Variants in CSMD2 observed in about 807,000 individuals in gnomAD.
The protein encoded by CSMD2 is CUB and Sushi multiple domains 2, also known as CUB and sushi domain-containing protein 2.
CSMD2 carries 130 observed loss-of-function variants against 398.5 expected under a neutral mutation model. That is an observed-to-expected ratio of 0.33 (90% CI 0.28 to 0.38). The LOEUF is 0.38. Ranked by LOEUF, CSMD2 falls within the 10% of genes least tolerant of loss-of-function variation. The probability of loss-of-function intolerance (pLI) is 1.00; values close to 1 mark genes in which losing one functional copy is unlikely to be tolerated. For synonymous variants in CSMD2, 1,828 were observed against 1,908.5 expected (o/e 0.96, Z 1.10); for missense variants, 3,829 against 4,764.9 (o/e 0.80, Z 5.78).
chr1:33,800,425 TG>T (rs1296050478), intron 10 of CSMD2, among the ~76,000 whole-genome samples: 1 of 152,190 alleles, frequency 6.6e-6, no homozygotes, highest in Non-Finnish European at 1.5e-5. Flanking sequence ...TTCATTTTGG[TG>T]GTTCTGAGAG....
At chr1:33,742,319 G>T (rs1008654781) in intron 14 of CSMD2, among the ~76,000 whole-genome samples, 1 of 152,232 alleles carries the variant, frequency 6.6e-6, no homozygotes, top group African/African-American at 2.4e-5. Context: ...GAAAACGGAG[G>T]CAAGGCCTTT....
intron 9 of CSMD2, chr1:33,813,859 G>C (rs993154092): frequency 1.3e-5 from 2 of 152,476 alleles, no homozygotes; most frequent in Non-Finnish European, 1.5e-5. Context: ...CCCACTACCA[G>C]TTCTAAGGAA....
intron 13 of CSMD2, among the ~76,000 whole-genome samples, chr1:33,744,984 G>A (rs1271267029): frequency 6.6e-6 from 1 of 152,062 alleles, no homozygotes; most frequent in African/African-American, 2.4e-5. Context: ...AAAAGAAAAA[G>A]AGCCACCTAG....
chr1:33,724,635 T>C lies in CSMD2; in HGVS notation c.2765A>G (p.Asp922Gly), dbSNP rs758702824. The change falls in exon 18 of 71, where the codon GAC becomes GGC. Residue 922 changes from aspartate (D) to glycine (G), a missense_variant. By Grantham distance (94) the Asp-to-Gly change is moderately conservative. This residue lies in a region of CSMD2 where 2,001 missense variants were observed against 2,567.1 expected (regional missense o/e 0.78). Coordinates refer to ENST00000373381, the MANE Select transcript of CSMD2 (RefSeq NM_001281956.2). ...GGTCACCAGCGCGCCCACGTAGAAG[T>C]CATTCCCATGACGCTGTCCATTTAC... Reference protein sequence around the residue: ...IPVNGQRHGNDFYVGALVTFS... With the variant: ...IPVNGQRHGNGFYVGALVTFS... 7.4e-6 allele frequency: 12 copies of C among 1,614,024 alleles called. No homozygotes were observed. Among genetic ancestry groups the C allele is most frequent in the Admixed American group, 3.3e-5 (2 of 60,002 alleles).
At chr1:34,044,323 G>C (rs1042928820) in intron 2 of CSMD2, among the ~76,000 whole-genome samples, 1 of 152,168 alleles carries the variant, frequency 6.6e-6, no homozygotes, top group Admixed American at 6.5e-5. Flanking sequence ...AATAAAATGC[G>C]TAGGAGGACT....
chr1:33,591,720 G>C (rs536341999), intron 44 of CSMD2: 1 of 151,906 alleles, frequency 6.6e-6, no homozygotes, highest in African/African-American at 2.4e-5. Flanking sequence ...AAACTCTTGG[G>C]CTCAACTGAT....
intron 3 of CSMD2, among the ~76,000 whole-genome samples, chr1:33,940,388 C>T (rs1644627922): frequency 1.3e-5 from 2 of 152,110 alleles, no homozygotes; most frequent in South Asian, 4.1e-4. Flanking sequence ...CACAATTCAA[C>T]TCATCACAGG....
intron 1 of CSMD2, among the ~76,000 whole-genome samples, chr1:34,153,299 G>C (rs1174391708): frequency 2.0e-5 from 3 of 152,230 alleles, no homozygotes; most frequent in Non-Finnish European, 4.4e-5. Flanking sequence ...TTATAGGTGT[G>C]AGCCAGCGCA....
At chr1:33,989,150 C>G (rs1264972702) in intron 3 of CSMD2, among the ~76,000 whole-genome samples, 38 of 148,424 alleles carry the variant, frequency 2.6e-4, no homozygotes. Context: ...AATCTTATAA[C>G]TCACTAATAA....
chr1:33,535,753 T>G (rs549345543), intron 62 of CSMD2, among the ~76,000 whole-genome samples: 61 of 152,318 alleles, frequency 4.0e-4, no homozygotes, highest in Non-Finnish European at 1.0e-4. Flanking sequence ...GCCCCCAGGC[T>G]GCTAAGCACT....
chr1:33,655,079 G>C (rs1557682546), intron 27 of CSMD2, among the ~76,000 whole-genome samples: 1 of 152,252 alleles, frequency 6.6e-6, no homozygotes, highest in African/African-American at 2.4e-5. Context: ...TACTGCTCAG[G>C]GTTAGTCGAG....
chr1:33,729,123 T>C, intron 15 of CSMD2, among the ~76,000 whole-genome samples: 1 of 152,182 alleles, frequency 6.6e-6, no homozygotes, highest in Non-Finnish European at 1.5e-5. Flanking sequence ...TCTCTGGTTG[T>C]TGGACTGTGA....
chr1:33,989,485 G>A, intron 3 of CSMD2, among the ~76,000 whole-genome samples: 1 of 152,126 alleles, frequency 6.6e-6, no homozygotes, highest in East Asian at 1.9e-4. Context: ...TTTACCCAGA[G>A]GAAATGAAAC....
At chr1:33,712,024 G>A (rs951003115) in intron 21 of CSMD2, among the ~76,000 whole-genome samples, 8 of 152,144 alleles carry the variant, frequency 5.3e-5, no homozygotes, top group African/African-American at 1.9e-4. Context: ...AGGCACAAAT[G>A]GAAACAAATA....
At position 33,734,248 on chromosome 1, in the gene CSMD2, C is replaced by A. The variant is rs115749438; in HGVS notation, c.2368+4892G>T. 2.9e-3 allele frequency among the ~76,000 whole-genome samples: 440 copies of A among 151,444 alleles called. 1 individual carries two copies. Among genetic ancestry groups the A allele is most frequent in the Non-Finnish European group, 5.4e-3 (368 of 67,760 alleles). ...GAGAATAAATGTGGATGTGTTTATACCAAACTGTTAAACCATTTTCCTCTG... is the reference window on the plus strand; with the variant it reads ...GAGAATAAATGTGGATGTGTTTATAACAAACTGTTAAACCATTTTCCTCTG... On this transcript the variant is annotated intron_variant, in intron 15 of 70. Coordinates refer to ENST00000373381, the MANE Select transcript of CSMD2 (RefSeq NM_001281956.2).
At chr1:33,586,030 G>A (rs962518858) in intron 46 of CSMD2, among the ~76,000 whole-genome samples, 2 of 152,218 alleles carry the variant, frequency 1.3e-5, no homozygotes, top group African/African-American at 4.8e-5. Context: ...TAATTGGGGT[G>A]ACTCGCTGAA....
intron 3 of CSMD2, among the ~76,000 whole-genome samples, chr1:33,981,635 T>C (rs980918478): frequency 1.3e-5 from 2 of 152,334 alleles, no homozygotes; most frequent in East Asian, 1.9e-4. Context: ...CAGAACTAGA[T>C]ATGTTGCCAC....
intron 25 of CSMD2, among the ~76,000 whole-genome samples, chr1:33,689,094 G>C (rs1645151365): frequency 6.7e-6 from 1 of 148,628 alleles, no homozygotes; most frequent in Non-Finnish European, 1.5e-5. Context: ...GAGAGGAGGA[G>C]AGGGAGAGAG....
At chr1:33,830,419 A>G (rs1201923981) in intron 6 of CSMD2, among the ~76,000 whole-genome samples, 2 of 152,246 alleles carry the variant, frequency 1.3e-5, no homozygotes, top group African/African-American at 2.4e-5. Flanking sequence ...GTGGACCTCT[A>G]GCAAACTCCA....
Sources: gnomAD v4.1 joint callset for allele counts (sites outside exome capture counted in the v4.1 genomes callset) on GRCh38, gnomAD v4.1.1 for gene constraint, gnomAD v4.1.1 regional missense constraint, MANE v1.5 for transcripts, NCBI Gene and HGNC (gene_info 2026-07-23, HGNC 2026-07-21) for gene names.